COL24A1: variants seen among roughly 807,000 people sequenced by gnomAD.
COL24A1 encodes the protein collagen type XXIV alpha 1 chain.
COL24A1 carries 224 observed loss-of-function variants against 253.9 expected under a neutral mutation model. The ratio of observed to expected loss-of-function variants is 0.88; its 90% CI spans 0.79 to 0.99. The LOEUF (loss-of-function observed/expected upper bound fraction) is 0.99. COL24A1 is among the 50% of genes least tolerant of loss of function. The pLI, the probability that COL24A1 is intolerant of heterozygous loss-of-function variation, is 0.00. For missense variants in COL24A1, 2,131 were observed against 2,068.5 expected, an observed-to-expected ratio of 1.03 and a Z score of -0.59; for synonymous variants, 685 against 673.7, an observed-to-expected ratio of 1.02 and a Z score of -0.26.
chr1:86,073,513 T>C lies in COL24A1; in HGVS notation c.1708-9754A>G, dbSNP rs556251009. Among the ~76,000 whole-genome samples the C allele has an allele frequency of 1.6e-4, 25 of 152,208 alleles. No homozygotes were observed. The South Asian group carries it at 5.0e-3, about 30-fold the overall frequency. ...TACGTTTGATTGGTGTACCTAAAAG[T>C]GACAGGGAAGATGCAACCAAGTTGG... On this transcript the variant is annotated intron_variant, in intron 7 of 59. Coordinates refer to ENST00000370571, the MANE Select transcript of COL24A1 (RefSeq NM_152890.7).
chr1:86,113,908 C>T (rs938746962), intron 4 of COL24A1, among the ~76,000 whole-genome samples: 1 of 142,512 alleles, frequency 7.0e-6, no homozygotes, highest in Non-Finnish European at 1.5e-5. Context: ...TCATTGGTAA[C>T]CTTCAAAAAG....
At chr1:85,887,521 G>A (rs1682652475) in intron 32 of COL24A1, among the ~76,000 whole-genome samples, 1 of 151,634 alleles carries the variant, frequency 6.6e-6, no homozygotes, top group Non-Finnish European at 1.5e-5. Flanking sequence ...TTAGGCTTGT[G>A]GGTCATGTGG....
chr1:86,089,075 A>G, intron 7 of COL24A1, 99 bp downstream of exon 7: 1 of 908,196 alleles, frequency 1.1e-6, no homozygotes, highest in Non-Finnish European at 1.7e-6. Context: ...CAAGATCCAT[A>G]TATCATCCAA....
At chr1:86,011,123 A>C (rs1696448042) in intron 19 of COL24A1, among the ~76,000 whole-genome samples, 1 of 152,330 alleles carries the variant, frequency 6.6e-6, no homozygotes, top group South Asian at 2.1e-4. Flanking sequence ...AAGAAAGTAC[A>C]GTTAAAATTA....
At chr1:86,025,044 A>G (rs1218013872) in intron 14 of COL24A1, among the ~76,000 whole-genome samples, 1 of 152,154 alleles carries the variant, frequency 6.6e-6, no homozygotes, top group Non-Finnish European at 1.5e-5. Flanking sequence ...AACTTAGAAA[A>G]ATAAAGAACT....
chr1:86,107,692 G>A (rs180690311), intron 5 of COL24A1, among the ~76,000 whole-genome samples: 11 of 151,848 alleles, frequency 7.2e-5, no homozygotes, highest in South Asian at 2.1e-4. Flanking sequence ...CTCCCACCAC[G>A]CCCGGCTAAT....
chr1:85,944,528 T>C (rs548776149), intron 24 of COL24A1, among the ~76,000 whole-genome samples: 76 of 152,212 alleles, frequency 5.0e-4, no homozygotes, highest in Middle Eastern at 3.2e-3. Flanking sequence ...TATGAGATCA[T>C]AGCCGAAATC....
In COL24A1 at chr1:85,768,474, C is replaced by T. The variant is rs536564060; in HGVS notation, c.4375-6908G>A. On this transcript the variant is annotated intron_variant, in intron 53 of 59. Coordinates refer to ENST00000370571, the MANE Select transcript of COL24A1 (RefSeq NM_152890.7). Reference sequence around the variant, plus strand: ...AGGAGGGATATCATGATCACCTGCACAAGGATGCCAGTGAGGAAGAATGAG... The same window carrying T: ...AGGAGGGATATCATGATCACCTGCATAAGGATGCCAGTGAGGAAGAATGAG... Among the ~76,000 whole-genome samples, 36 of 151,676 alleles carry T rather than the reference C, an allele frequency of 2.4e-4. No homozygotes were observed. In the South Asian group the frequency reaches 7.1e-3, roughly 30 times the overall value.
chr1:85,906,819 T>C (rs903037798), intron 28 of COL24A1, among the ~76,000 whole-genome samples: 5 of 151,932 alleles, frequency 3.3e-5, no homozygotes, highest in African/African-American at 1.2e-4. Flanking sequence ...CCACTTCTTA[T>C]TGCTTTTATT....
At chr1:85,918,576 T>C (rs770067201) in intron 24 of COL24A1, among the ~76,000 whole-genome samples, 1 of 152,222 alleles carries the variant, frequency 6.6e-6, no homozygotes, top group Non-Finnish European at 1.5e-5. Flanking sequence ...AATGTGAACA[T>C]ACAGGCTTTA....
At chr1:86,099,848 A>C (rs12745520) in intron 5 of COL24A1, among the ~76,000 whole-genome samples, 1 of 152,118 alleles carries the variant, frequency 6.6e-6, no homozygotes, top group Non-Finnish European at 1.5e-5. Flanking sequence ...GTATCCTAGA[A>C]TATTACTGGA....
At chr1:86,029,521 C>G (rs959519202) in intron 14 of COL24A1, among the ~76,000 whole-genome samples, 1 of 152,114 alleles carries the variant, frequency 6.6e-6, no homozygotes, top group Non-Finnish European at 1.5e-5. Context: ...CTCATGTTAT[C>G]CCAAGATGGC....
intron 28 of COL24A1, 114 bp downstream of exon 28, chr1:85,907,080 G>T (rs1054697961): frequency 5.4e-6 from 4 of 736,510 alleles, no homozygotes; most frequent in South Asian, 2.0e-5. Flanking sequence ...GAAAAAACCT[G>T]ACAAGATCTA....
In COL24A1 at chr1:85,961,304, A is replaced by G. The variant is rs1691036395; in HGVS notation, c.2518-11T>C. The G allele has an allele frequency of 6.3e-7, 1 of 1,597,112 alleles. No individual in the cohort carries two copies. Among genetic ancestry groups the G allele is most frequent in the Non-Finnish European group, 8.6e-7 (1 of 1,166,558 alleles). Reference sequence around the variant, plus strand: ...ATCTCCTACTTCTCCCTGTCAAAAAAGAATATAAAGTTGCAAAAACAGTTA... The same window carrying G: ...ATCTCCTACTTCTCCCTGTCAAAAAGGAATATAAAGTTGCAAAAACAGTTA... On this transcript the variant is annotated splice_polypyrimidine_tract_variant and intron_variant, in intron 23 of 59. Coordinates refer to ENST00000370571, the MANE Select transcript of COL24A1 (RefSeq NM_152890.7).
Position 86,022,525 on chromosome 1 carries a change from G to T in COL24A1, c.2202+13C>A, listed in dbSNP as rs1424015679. 1 of 1,602,092 alleles carries T rather than the reference G, an allele frequency of 6.2e-7. No individual in the cohort carries two copies. The highest frequency in any genetic ancestry group is 1.7e-5 in the Admixed American group (1 of 59,366). The stretch of plus-strand genomic sequence containing the variant: ...TTTTCATATTTACATAAAATTAATG[G>T]TATAAACATTACCTTGTCTCCAGGA... On this transcript the variant is annotated intron_variant, in intron 17 of 59. Coordinates refer to ENST00000370571, the MANE Select transcript of COL24A1 (RefSeq NM_152890.7).
At chr1:86,011,057 T>C (rs1000658040) in intron 19 of COL24A1, among the ~76,000 whole-genome samples, 7 of 152,148 alleles carry the variant, frequency 4.6e-5, no homozygotes, top group Non-Finnish European at 8.8e-5. Flanking sequence ...AGTACACTTA[T>C]CTAACTTTGT....
At chr1:85,760,931 T>C (rs1666786454) in intron 55 of COL24A1, among the ~76,000 whole-genome samples, 1 of 152,036 alleles carries the variant, frequency 6.6e-6, no homozygotes, top group Non-Finnish European at 1.5e-5. Context: ...GTCATAGTAG[T>C]TAGATAATAA....
In COL24A1 at chr1:86,022,813, A is replaced by G. The variant is rs12136419; in HGVS notation, c.2148+20T>C. 430 of 1,389,202 alleles carry G rather than the reference A, an allele frequency of 3.1e-4. No individual in the cohort carries two copies. The highest frequency in any genetic ancestry group is 3.9e-4 in the Non-Finnish European group (408 of 1,053,570). 86.1% of individuals were successfully genotyped at this position (1,389,202 alleles called of 1,614,324 possible). A position where few individuals can be genotyped will look rare whatever the true frequency, so the allele number is the denominator to read the frequency against. On this transcript the variant is annotated intron_variant, in intron 16 of 59. Transcript: ENST00000370571. ...CAAATGTGATAAAAATTATTTTTATAATATTAATATTTAAATCACCTTATC... is the reference window on the plus strand; with the variant it reads ...CAAATGTGATAAAAATTATTTTTATGATATTAATATTTAAATCACCTTATC...
chr1:85,877,594 C>G (rs375516179), intron 32 of COL24A1, among the ~76,000 whole-genome samples: 2 of 152,190 alleles, frequency 1.3e-5, no homozygotes, highest in South Asian at 2.1e-4. Context: ...AACTCCTGAC[C>G]TCAGGTGATC....
Sources: allele counts gnomAD v4.1 joint callset (sites outside exome capture counted in the v4.1 genomes callset), GRCh38; gene constraint gnomAD v4.1.1; transcripts MANE v1.5; gene names NCBI Gene and HGNC (gene_info 2026-07-23, HGNC 2026-07-21).